COPS2: variants seen among roughly 807,000 people sequenced by gnomAD.
COPS2 encodes the protein COP9 signalosome complex subunit 2.
A neutral mutation model predicts 66.1 loss-of-function variants in COPS2; 10 were observed. The ratio of observed to expected loss-of-function variants is 0.15; its 90% CI spans 0.09 to 0.26. The LOEUF (loss-of-function observed/expected upper bound fraction) is 0.26. COPS2 is among the 10% of genes least tolerant of loss of function. COPS2 has a pLI of 1.00. For missense variants in COPS2, 215 were observed against 513.3 expected, an observed-to-expected ratio of 0.42 and a Z score of 5.62; for synonymous variants, 179 against 171.3, an observed-to-expected ratio of 1.04 and a Z score of -0.35.
At chr15:49,135,257 G>A (rs1212872992) in intron 6 of COPS2, among the ~76,000 whole-genome samples, 2 of 152,172 alleles carry the variant, frequency 1.3e-5, no homozygotes, top group East Asian at 3.8e-4. Context: ...TAATGTTTAT[G>A]TTTTTATCTA....
Position 49,126,995 on chromosome 15 carries a change from T to G in COPS2, c.*955A>C, listed in dbSNP as rs1420384619. ...GGCATTAGGAAATAACCTTCCAGCATGATCACTATGCAGAGTAACATTCAT... is the reference window on the plus strand; with the variant it reads ...GGCATTAGGAAATAACCTTCCAGCAGGATCACTATGCAGAGTAACATTCAT... On this transcript the variant is annotated 3_prime_UTR_variant, in exon 13 of 13. Coordinates refer to ENST00000388901, the MANE Select transcript of COPS2 (RefSeq NM_004236.4). The G allele has an allele frequency of 6.6e-6, 1 of 152,148 alleles. No homozygotes were observed. The highest frequency in any genetic ancestry group is 2.4e-5 in the African/African-American group (1 of 41,460). The allele number at this position is 152,148 out of a possible 1,614,324, so 9.4% of individuals were successfully genotyped here.
rs1404470389 is a variant in COPS2, at chr15:49,125,728, C to G, written c.*2222G>C. On this transcript the variant is annotated 3_prime_UTR_variant, in exon 13 of 13. Coordinates refer to ENST00000388901, the MANE Select transcript of COPS2 (RefSeq NM_004236.4). Reference sequence around the variant, plus strand: ...GATGACTAACAGAAAAAAAAGAACGCACCTATATCTGGGTAAACAAAGCTA... The same window carrying G: ...GATGACTAACAGAAAAAAAAGAACGGACCTATATCTGGGTAAACAAAGCTA... 4 of 151,984 alleles carry G rather than the reference C, an allele frequency of 2.6e-5. No individual in the cohort carries two copies. The highest frequency in any genetic ancestry group is 9.7e-5 in the African/African-American group (4 of 41,426). 9.4% of individuals were successfully genotyped at this position (151,984 alleles called of 1,614,324 possible). A position where few individuals can be genotyped will look rare whatever the true frequency, so the allele number is the denominator to read the frequency against.
intron 9 of COPS2, among the ~76,000 whole-genome samples, chr15:49,131,231 G>A (rs2084206073): frequency 6.6e-6 from 1 of 152,046 alleles, no homozygotes; most frequent in Non-Finnish European, 1.5e-5. Flanking sequence ...ACTACATGAA[G>A]GGGTGTAGCC....
chr15:49,140,082 G>A (rs1304823471), intron 3 of COPS2, among the ~76,000 whole-genome samples: 1 of 152,050 alleles, frequency 6.6e-6, no homozygotes, highest in African/African-American at 2.4e-5. Flanking sequence ...CGCCTCCCAG[G>A]TTCAAGCGAT....
At chr15:49,137,100 CTTT>C (rs762489387) in intron 6 of COPS2, 47 bp downstream of exon 6, 2 of 1,145,100 alleles carry the variant, frequency 1.7e-6, no homozygotes, top group East Asian at 2.6e-5. Flanking sequence ...ATTGCTTATA[CTTT>C]TTTTTTATTA....
rs755145333 is a variant in COPS2 at position 49,155,569 on chromosome 15, T to C, written c.10A>G (p.Met4Val). The stretch of plus-strand genomic sequence containing the variant: ...TCATCGCACATGAAATCATCCTCCA[T>C]GTCAGACATCTTGGCCGGGAGGGGG... MSD[M>V]EDDFMCDDEE... is the part of the protein sequence containing the mutation. The change falls in exon 1 of 13, where the codon ATG becomes GTG. Residue 4 changes from methionine (M) to valine (V), a missense_variant. Coordinates refer to ENST00000388901, the MANE Select transcript of COPS2 (RefSeq NM_004236.4). 10 of 1,614,128 alleles carry C rather than the reference T, an allele frequency of 6.2e-6. No homozygotes were observed. Among genetic ancestry groups the C allele is most frequent in the South Asian group, 1.1e-5 (1 of 91,082 alleles).
intron 1 of COPS2, among the ~76,000 whole-genome samples, chr15:49,153,564 C>T (rs375036065): frequency 6.6e-6 from 1 of 152,054 alleles, no homozygotes; most frequent in Non-Finnish European, 1.5e-5. Flanking sequence ...GAAAGAAAAT[C>T]GGTCTATTAA....
At chr15:49,131,973 A>G (rs183844786) in intron 9 of COPS2, among the ~76,000 whole-genome samples, 7 of 152,268 alleles carry the variant, frequency 4.6e-5, no homozygotes, top group Admixed American at 2.0e-4. Context: ...AAATTTATAA[A>G]TGTCATTATA....
chr15:49,154,501 A>T (rs1389476007), intron 1 of COPS2, among the ~76,000 whole-genome samples: 1 of 152,214 alleles, frequency 6.6e-6, no homozygotes, highest in East Asian at 1.9e-4. Context: ...CAATGTATTA[A>T]TATTTTGACA....
Position 49,123,099 on chromosome 15 carries a change from A to G in COPS2, c.*4851T>C, listed in dbSNP as rs989611127. ...TTAATTTTCTTCAGTGTTATTTAAA[A>G]TAGATGCATAAAAATTTATTACTGT... On this transcript the variant is annotated 3_prime_UTR_variant, in exon 13 of 13. Coordinates refer to ENST00000388901, the MANE Select transcript of COPS2 (RefSeq NM_004236.4). 1 of 152,220 alleles carries G rather than the reference A, an allele frequency of 6.6e-6. No individual in the cohort carries two copies. Among genetic ancestry groups the G allele is most frequent in the Non-Finnish European group, 1.5e-5 (1 of 68,016 alleles). The allele number at this position is 152,220 out of a possible 1,614,324, so 9.4% of individuals were successfully genotyped here.
chr15:49,145,522 C>T (rs80147629), intron 1 of COPS2, among the ~76,000 whole-genome samples: 13 of 151,474 alleles, frequency 8.6e-5, no homozygotes, highest in East Asian at 3.9e-4. Context: ...TATTGTAACA[C>T]GGTTTAAAAC....
At chr15:49,139,809 A>T (rs984402427) in intron 3 of COPS2, among the ~76,000 whole-genome samples, 156 bp from the exon 4 acceptor site, 1 of 152,222 alleles carries the variant, frequency 6.6e-6, no homozygotes, top group African/African-American at 2.4e-5. Context: ...TGACAGGAAC[A>T]TTGTAATTAC....
chr15:49,137,565 AC>A, intron 4 of COPS2, 128 bp from the exon 5 acceptor site: 1 of 654,934 alleles, frequency 1.5e-6, no homozygotes, highest in Non-Finnish European at 2.6e-6. Flanking sequence ...TCTGTATCTT[AC>A]TGTCTTCTAC....
chr15:49,127,852 G>A lies in COPS2; in HGVS notation c.*98C>T, dbSNP rs1033091973. 3.2e-6 allele frequency: 4 copies of A among 1,238,552 alleles called. No homozygotes were observed. The highest frequency in any genetic ancestry group is 3.0e-5 in the African/African-American group (2 of 65,902). The allele number at this position is 1,238,552 out of a possible 1,614,324, so 76.7% of individuals were successfully genotyped here. ...CTGCCATAACTCCAATAATTTTCAGGACACATCAACCGACAGTAGTTTTGC... is the reference window on the plus strand; with the variant it reads ...CTGCCATAACTCCAATAATTTTCAGAACACATCAACCGACAGTAGTTTTGC... On this transcript the variant is annotated 3_prime_UTR_variant, in exon 13 of 13. Transcript: ENST00000388901.
intron 1 of COPS2, among the ~76,000 whole-genome samples, chr15:49,145,951 A>G (rs2084318216): frequency 6.6e-6 from 1 of 152,170 alleles, no homozygotes; most frequent in East Asian, 1.9e-4. Flanking sequence ...GGGCAAGTTT[A>G]TATCAAATTA....
At chr15:49,154,451 A>G (rs2084394089) in intron 1 of COPS2, among the ~76,000 whole-genome samples, 1 of 152,184 alleles carries the variant, frequency 6.6e-6, no homozygotes, top group Admixed American at 6.5e-5. Context: ...AATGCAAAAA[A>G]CTGAAAATAT....
intron 1 of COPS2, among the ~76,000 whole-genome samples, chr15:49,150,966 A>G (rs1008588025): frequency 7.9e-5 from 12 of 152,196 alleles, no homozygotes; most frequent in Non-Finnish European, 1.5e-4. Flanking sequence ...ACTAGTAAAC[A>G]TTTATCCCCT....
chr15:49,136,767 G>T (rs1030628323), intron 6 of COPS2, among the ~76,000 whole-genome samples: 3 of 151,826 alleles, frequency 2.0e-5, no homozygotes, highest in Non-Finnish European at 4.4e-5. Context: ...GGCGGTGATC[G>T]CCTGAGCTCA....
chr15:49,126,868 A>T lies in COPS2; in HGVS notation c.*1082T>A, dbSNP rs2141120649. The T allele has an allele frequency of 6.6e-6, 1 of 152,268 alleles. No homozygotes were observed. The highest frequency in any genetic ancestry group is 1.9e-4 in the East Asian group (1 of 5,190). The allele number at this position is 152,268 out of a possible 1,614,324, so 9.4% of individuals were successfully genotyped here. On this transcript the variant is annotated 3_prime_UTR_variant, in exon 13 of 13. Coordinates refer to ENST00000388901, the MANE Select transcript of COPS2 (RefSeq NM_004236.4). ...CAAGCTTCCTAATACTATATTTTTTAAAACAATGTATAATCATAAAGTTTA... is the reference window on the plus strand; with the variant it reads ...CAAGCTTCCTAATACTATATTTTTTTAAACAATGTATAATCATAAAGTTTA...
Sources: gnomAD v4.1 joint callset for allele counts (sites outside exome capture counted in the v4.1 genomes callset) on GRCh38, gnomAD v4.1.1 for gene constraint, MANE v1.5 for transcripts, NCBI Gene and HGNC (gene_info 2026-07-23, HGNC 2026-07-21) for gene names.